Variants in CLEC4F observed in about 807,000 individuals in gnomAD.
The protein encoded by CLEC4F is C-type (calcium dependent, carbohydrate-recognition domain) lectin, superfamily member 13.
A neutral mutation model predicts 53.4 loss-of-function variants in CLEC4F; 45 were observed. That is an observed-to-expected ratio of 0.84 (90% CI 0.66 to 1.08). CLEC4F has a LOEUF of 1.08. CLEC4F is among the 50% of genes least tolerant of loss of function. The probability of loss-of-function intolerance (pLI) is 0.00; values close to 1 mark genes in which losing one functional copy is unlikely to be tolerated. For missense variants in CLEC4F, 753 were observed against 698.2 expected (o/e 1.08, Z -0.88); for synonymous variants, 245 against 257.5 (o/e 0.95, Z 0.46).
At chr2:70,815,442 G>A (rs1334031413) in intron 4 of CLEC4F, among the ~76,000 whole-genome samples, 1 of 151,956 alleles carries the variant, frequency 6.6e-6, no homozygotes, top group African/African-American at 2.4e-5. Context: ...ATGCAAGTCT[G>A]TACTACTAGC....
chr2:70,823,565 C>T (rs1677279759), upstream of CLEC4F, among the ~76,000 whole-genome samples: 1 of 152,152 alleles, frequency 6.6e-6, no homozygotes, highest in Non-Finnish European at 1.5e-5. Flanking sequence ...AGAGTCTGGG[C>T]CAGGAGAGGG....
At chr2:70,813,930 T>C (rs1553395141) in intron 4 of CLEC4F, among the ~76,000 whole-genome samples, 2 of 152,164 alleles carry the variant, frequency 1.3e-5, no homozygotes, top group Non-Finnish European at 2.9e-5. Flanking sequence ...CTGCCTGCCT[T>C]GGCCTCCCAA....
Position 70,816,992 on chromosome 2 carries a change from T to C in CLEC4F, c.389A>G (p.Asn130Ser). ...GAGCACCTGGAGCTGCGAATTGACA[T>C]TGTCCACTCTGCACTTCAACATCTG... is the stretch of plus-strand genomic sequence containing the variant. The part of the protein sequence containing the change: ...EIQMLKCRVD[N>S]VNSQLQVLGD... Residue 130 changes from asparagine (N) to serine (S), a missense_variant, in exon 4 of 7, where the codon AAT becomes AGT. Coordinates refer to ENST00000272367, the MANE Select transcript of CLEC4F (RefSeq NM_173535.3). 6.2e-7 allele frequency: 1 copy of C among 1,614,196 alleles called. No homozygotes were observed. Among genetic ancestry groups the C allele is most frequent in the Non-Finnish European group, 8.5e-7 (1 of 1,180,036 alleles).
rs561064679 is a variant in CLEC4F, at chr2:70,809,816, G to T, written c.1581C>A (p.Ile527=). ...CCTCTGTGCCCCTGTCAGTGAGACC[G>T]ATCCAGTAGTACACTTTACTTGTGA... ...VEFTSKVYYW[I]GLTDRGTEGS... is the part of the protein sequence containing the mutation. The change falls in exon 6 of 7, where the codon ATC becomes ATA. Residue 527 remains isoleucine, a synonymous_variant. Coordinates refer to ENST00000272367, the MANE Select transcript of CLEC4F (RefSeq NM_173535.3). The T allele has an allele frequency of 5.0e-6, 8 of 1,614,038 alleles. No individual in the cohort carries two copies. The South Asian group carries it at 8.8e-5, about 18-fold the overall frequency.
chr2:70,824,621 C>CAAAAAAAAAAAAAAAA (rs1388918958), upstream of CLEC4F, among the ~76,000 whole-genome samples: 32 of 38,258 alleles, frequency 8.4e-4, 5 homozygotes, highest in East Asian at 4.4e-3. Context: ...TGCTTAGTTA[C>CAAAAAAAAAAAAAAAA]CAAAAAAAAA....
intron 1 of CLEC4F, 72 bp from the exon 2 acceptor site, chr2:70,819,963 A>T: frequency 1.0e-5 from 10 of 964,456 alleles, no homozygotes; most frequent in Non-Finnish European, 1.4e-5. Flanking sequence ...GCAGGCTGAG[A>T]CACAGCCTCT....
Position 70,816,498 on chromosome 2 carries a change from T to A in CLEC4F, c.883A>T (p.Thr295Ser). 1 of 1,614,202 alleles carries A rather than the reference T, an allele frequency of 6.2e-7. No homozygotes were observed. Among genetic ancestry groups the A allele is most frequent in the East Asian group, 2.2e-5 (1 of 44,886 alleles). The change falls in exon 4 of 7, where the codon ACA (threonine) becomes TCA (serine). Residue 295 changes from threonine (T) to serine (S), a missense_variant. Coordinates refer to ENST00000272367, the MANE Select transcript of CLEC4F (RefSeq NM_173535.3). ...TGGGTCTGGGAGTTTAAAGCATTTG[T>A]GTTCTGCAAATTTTCCTTTAGTCCC... is the stretch of plus-strand genomic sequence containing the variant. ...IQGLKENLQN[T>S]NALNSQTQAF...
rs202247326 is a variant in CLEC4F at position 70,812,611 on chromosome 2, T to G, written c.1388-13A>C. On this transcript the variant is annotated splice_polypyrimidine_tract_variant and intron_variant, in intron 4 of 6. Transcript: ENST00000272367. ...TGGAGAAGCTGACCTGGAGCAAAGA[T>G]TGGGGAGAAAAGAGAACCAGGAGCT... The G allele has an allele frequency of 1.2e-6, 2 of 1,613,306 alleles. No homozygotes were observed. Among genetic ancestry groups the G allele is most frequent in the Non-Finnish European group, 8.5e-7 (1 of 1,179,800 alleles).
chr2:70,808,892 T>G lies in CLEC4F; in HGVS notation c.*379A>C. The G allele has an allele frequency of 1.6e-6, 1 of 610,256 alleles. No homozygotes were observed. The highest frequency in any genetic ancestry group is 2.0e-5 in the South Asian group (1 of 50,930). The allele number at this position is 610,256 out of a possible 1,614,324, so 37.8% of individuals were successfully genotyped here. On this transcript the variant is annotated 3_prime_UTR_variant, in exon 7 of 7. Coordinates refer to ENST00000272367, the MANE Select transcript of CLEC4F (RefSeq NM_173535.3). The stretch of plus-strand genomic sequence containing the variant: ...AGGCATCGAGGAGGAGGGTCAGTAT[T>G]GGCAAGCAGGAGCAGCCCCTCAGCT...
Position 70,808,769 on chromosome 2 carries a change from G to C in CLEC4F, c.*502C>G. ...CCACTGATGTCACTGGGTCACTCGA[G>C]GTAAGCATGTTTGAAAGGGCTGAAT... On this transcript the variant is annotated 3_prime_UTR_variant, in exon 7 of 7. Transcript: ENST00000272367. 2.6e-6 allele frequency: 1 copy of C among 380,934 alleles called. No individual in the cohort carries two copies. Among genetic ancestry groups the C allele is most frequent in the South Asian group, 2.6e-5 (1 of 38,700 alleles). 23.6% of individuals were successfully genotyped at this position (380,934 alleles called of 1,614,324 possible).
rs113271137 is a variant in CLEC4F, at chr2:70,817,113, C to G, written c.269-1G>C. 1.7e-5 allele frequency: 27 copies of G among 1,603,732 alleles called. No individual in the cohort carries two copies. The highest frequency in any genetic ancestry group is 3.3e-4 in the Middle Eastern group (2 of 6,064). ...GCCTCCCTGCCAAAGTGGTGATGAT[C>G]TGGAGGGAGGAAGTGAAGAAGGCAG... is the stretch of plus-strand genomic sequence containing the variant. On this transcript the variant is annotated splice_acceptor_variant, in intron 3 of 6. Coordinates refer to ENST00000272367, the MANE Select transcript of CLEC4F (RefSeq NM_173535.3). LOFTEE classifies it high-confidence loss of function.
In CLEC4F at chr2:70,808,949, TG is replaced by T; in HGVS notation, c.*321del. On this transcript the variant is annotated 3_prime_UTR_variant, in exon 7 of 7. Transcript: ENST00000272367. Reference sequence around the variant, plus strand: ...TGCCCTCAGGCCACACCCTGGCCCATGGGCTTCTTGCACACCCACTGATAGG... The same window carrying T: ...TGCCCTCAGGCCACACCCTGGCCCATGGCTTCTTGCACACCCACTGATAGG... The T allele has an allele frequency of 1.1e-6, 1 of 893,450 alleles. No individual in the cohort carries two copies. Among genetic ancestry groups the T allele is most frequent in the Non-Finnish European group, 1.7e-6 (1 of 579,618 alleles). 55.3% of individuals were successfully genotyped at this position (893,450 alleles called of 1,614,324 possible).
Position 70,809,196 on chromosome 2 carries a change from A to C in CLEC4F, c.*75T>G, listed in dbSNP as rs1676399944. On this transcript the variant is annotated 3_prime_UTR_variant, in exon 7 of 7. Coordinates refer to ENST00000272367, the MANE Select transcript of CLEC4F (RefSeq NM_173535.3). ...GGAGCTGACTTGAGATGGGTCCTTC[A>C]TCCCCTAGTGGCCCTAGGATGAGGA... 3.2e-6 allele frequency: 5 copies of C among 1,574,498 alleles called. No individual in the cohort carries two copies. Among genetic ancestry groups the C allele is most frequent in the East Asian group, 4.6e-5 (2 of 43,504 alleles).
At chr2:70,819,747 G>C in intron 2 of CLEC4F, 28 bp downstream of exon 2, 1 of 1,492,252 alleles carries the variant, frequency 6.7e-7, no homozygotes. Flanking sequence ...GAGAAAGTTA[G>C]TGAGATTTGG....
At chr2:70,815,582 C>G (rs1471801512) in intron 4 of CLEC4F, among the ~76,000 whole-genome samples, 4 of 152,208 alleles carry the variant, frequency 2.6e-5, no homozygotes. Context: ...CATGTGTGAA[C>G]TCATTGGATC....
At chr2:70,813,551 CTTTTTTTCTT>C (rs1676691613) in intron 4 of CLEC4F, among the ~76,000 whole-genome samples, 13 of 132,332 alleles carry the variant, frequency 9.8e-5, no homozygotes, top group African/African-American at 3.7e-4. Context: ...TTCTTTCTTT[CTTTTTTTCTT>C]TCTTTCTCTT....
Position 70,809,081 on chromosome 2 carries a change from C to G in CLEC4F, c.*190G>C, listed in dbSNP as rs782411642. On this transcript the variant is annotated 3_prime_UTR_variant, in exon 7 of 7. Transcript: ENST00000272367. ...TCAGACTGATTCTTTTCCCAAAACC[C>G]GAAGACAACAGGGCTTTATACTGTT... 2 of 1,546,610 alleles carry G rather than the reference C, an allele frequency of 1.3e-6. No homozygotes were observed. The highest frequency in any genetic ancestry group is 3.9e-5 in the Admixed American group (2 of 50,996).
Position 70,820,447 on chromosome 2 carries a change from G to A in CLEC4F, c.61+16C>T. On this transcript the variant is annotated intron_variant, in intron 1 of 6. Coordinates refer to ENST00000272367, the MANE Select transcript of CLEC4F (RefSeq NM_173535.3). ...ACTCCCTCACTGGGCAAGAGCTGGG[G>A]CCCCAGTTTTCTCACCTTGGGGGTG... 1.3e-6 allele frequency: 2 copies of A among 1,573,674 alleles called. No homozygotes were observed. Among genetic ancestry groups the A allele is most frequent in the Non-Finnish European group, 1.7e-6 (2 of 1,157,468 alleles).
chr2:70,824,619 T>G (rs1427133164), upstream of CLEC4F, among the ~76,000 whole-genome samples: 1 of 13,858 alleles, frequency 7.2e-5, no homozygotes, highest in Non-Finnish European at 2.0e-4. Flanking sequence ...GATGCTTAGT[T>G]ACCAAAAAAA....
Sources: gnomAD v4.1 joint callset for allele counts (sites outside exome capture counted in the v4.1 genomes callset) on GRCh38, gnomAD v4.1.1 for gene constraint, MANE v1.5 for transcripts, NCBI Gene and HGNC (gene_info 2026-07-23, HGNC 2026-07-21) for gene names.